The following BCR variants were observed in gnomAD, a reference collection of about 807,000 sequenced individuals.
BCR encodes breakpoint cluster region protein.
BCR carries 58 observed loss-of-function variants against 138.6 expected under a neutral mutation model. That is an observed-to-expected ratio of 0.42 (90% confidence interval 0.34 to 0.52). The LOEUF (loss-of-function observed/expected upper bound fraction) is 0.52. BCR is among the 20% of genes least tolerant of loss of function. The probability of loss-of-function intolerance (pLI) is 0.06; values close to 1 mark genes in which losing one functional copy is unlikely to be tolerated. For synonymous variants in BCR, 786 were observed against 730.1 expected (o/e 1.08, Z -1.23); for missense variants, 1,599 against 1,727.2 (o/e 0.93, Z 1.32).
intron 1 of BCR, among the ~76,000 whole-genome samples, chr22:23,241,841 A>G (rs1264765629): frequency 1.3e-5 from 2 of 152,004 alleles, no homozygotes; most frequent in Non-Finnish European, 2.9e-5. Flanking sequence ...TGCAGCCTCT[A>G]GGCTCCCCTC....
chr22:23,299,099 C>A (rs1280757693), intron 16 of BCR, among the ~76,000 whole-genome samples: 1 of 152,180 alleles, frequency 6.6e-6, no homozygotes, highest in Non-Finnish European at 1.5e-5. Context: ...TGGGTTCACG[C>A]CATTCTCCTG....
In BCR at chr22:23,317,895, A is replaced by C. The variant is rs1338106342; in HGVS notation, c.*2373A>C. 6.9e-6 allele frequency: 1 copy of C among 145,748 alleles called. No homozygotes were observed. Among genetic ancestry groups the C allele is most frequent in the Non-Finnish European group, 1.5e-5 (1 of 66,152 alleles). The allele number at this position is 145,748 out of a possible 1,614,324, so 9.0% of individuals were successfully genotyped here. A position where few individuals can be genotyped will look rare whatever the true frequency, so the allele number is the denominator to read the frequency against. ...CTTCCAGACTCCCCGGCCGGAAGTG[A>C]TGCTTTTTTGCCTTGGGCCCTGGGT... is the stretch of plus-strand genomic sequence containing the variant. On this transcript the variant is annotated 3_prime_UTR_variant, in exon 23 of 23. Transcript: ENST00000305877.
At position 23,198,727 on chromosome 22, in the gene BCR, G is replaced by A. The variant is rs114772519; in HGVS notation, c.1279+16488G>A. Among the ~76,000 whole-genome samples, 1,244 of 152,250 alleles carry A rather than the reference G, an allele frequency of 8.2e-3. 22 individuals carry two copies. The highest frequency in any genetic ancestry group is 0.028 in the African/African-American group (1,179 of 41,542). On this transcript the variant is annotated intron_variant, in intron 1 of 22. Coordinates refer to ENST00000305877, the MANE Select transcript of BCR (RefSeq NM_004327.4). ...CTGGGATCTAGGACTGCTATGCACCGGGCCGAATCGTGATACCCAAGGGAG... is the reference window on the plus strand; with the variant it reads ...CTGGGATCTAGGACTGCTATGCACCAGGCCGAATCGTGATACCCAAGGGAG...
chr22:23,221,923 T>C (rs1310824856), intron 1 of BCR, among the ~76,000 whole-genome samples: 1 of 152,008 alleles, frequency 6.6e-6, no homozygotes, highest in Non-Finnish European at 1.5e-5. Context: ...AACCCTGTTT[T>C]TACTGAAAAG....
chr22:23,216,978 T>A (rs978297215), intron 1 of BCR: 2 of 433,996 alleles, frequency 4.6e-6, no homozygotes, highest in African/African-American at 4.1e-5. Flanking sequence ...TGCCCAGATC[T>A]AAGCGGGGGT....
At chr22:23,277,726 G>A (rs1231088420) in intron 8 of BCR, among the ~76,000 whole-genome samples, 1 of 152,168 alleles carries the variant, frequency 6.6e-6, no homozygotes, top group African/African-American at 2.4e-5. Flanking sequence ...TGAGCCCTCT[G>A]CAGGGTCAGC....
At chr22:23,295,473 T>C (rs911848771) in intron 16 of BCR, among the ~76,000 whole-genome samples, 3 of 152,128 alleles carry the variant, frequency 2.0e-5, no homozygotes, top group Admixed American at 6.5e-5. Flanking sequence ...TTAGATGGTG[T>C]CCTAGGCTGA....
intron 1 of BCR, among the ~76,000 whole-genome samples, chr22:23,242,113 G>A (rs1468735494): frequency 2.0e-5 from 3 of 152,124 alleles, no homozygotes; most frequent in Admixed American, 1.3e-4. Context: ...CAGGTGCATG[G>A]GAAACTTCAC....
chr22:23,305,564 C>T (rs558342530), intron 16 of BCR, among the ~76,000 whole-genome samples: 2 of 152,230 alleles, frequency 1.3e-5, no homozygotes, highest in Non-Finnish European at 2.9e-5. Context: ...GGGCAGCACA[C>T]AGCACCTGCC....
At chr22:23,206,941 T>TC (rs1568933285) in intron 1 of BCR, among the ~76,000 whole-genome samples, 167 of 30,004 alleles carry the variant, frequency 5.6e-3, no homozygotes, top group African/African-American at 0.014. Flanking sequence ...ATCCATTCAT[T>TC]CCTCCCTCCC....
intron 16 of BCR, among the ~76,000 whole-genome samples, chr22:23,297,164 G>C (rs201301956): frequency 6.7e-6 from 1 of 149,550 alleles, no homozygotes; most frequent in East Asian, 2.0e-4. Context: ...AGCCTCCCAA[G>C]TTGTTGGGAT....
chr22:23,223,846 CT>C (rs375982845), intron 1 of BCR, among the ~76,000 whole-genome samples: 1 of 152,186 alleles, frequency 6.6e-6, no homozygotes, highest in Non-Finnish European at 1.5e-5. Context: ...AATGGGAACA[CT>C]TTGCTGACCT....
At chr22:23,288,032 G>T in intron 11 of BCR, 65 bp from the exon 12 acceptor site, 1 of 1,501,186 alleles carries the variant, frequency 6.7e-7, no homozygotes, top group Non-Finnish European at 9.3e-7. Context: ...AGGTGCCCCG[G>T]GCCTACCAGG....
At chr22:23,270,321 A>G (rs974410462) in intron 5 of BCR, among the ~76,000 whole-genome samples, 1 of 152,148 alleles carries the variant, frequency 6.6e-6, no homozygotes, top group African/African-American at 2.4e-5. Flanking sequence ...GAATTACATG[A>G]AAAGGGCTTT....
At chr22:23,283,491 C>A in intron 8 of BCR, 1 of 159,028 alleles carries the variant, frequency 6.3e-6, no homozygotes, top group Non-Finnish European at 1.4e-5. Flanking sequence ...CTCCCCACCA[C>A]AGGGGCCTGT....
intron 1 of BCR, among the ~76,000 whole-genome samples, chr22:23,237,613 GA>G (rs2073041250): frequency 6.6e-6 from 1 of 152,234 alleles, no homozygotes; most frequent in African/African-American, 2.4e-5. Flanking sequence ...GGGGAGTAAG[GA>G]AAGCTCTGCT....
In BCR at chr22:23,287,249, G is replaced by A; in HGVS notation, c.2497G>A (p.Ala833Thr). The change falls in exon 11 of 23, where the codon GCC becomes ACC. Residue 833 changes from alanine to threonine, a missense_variant. Physicochemically the swap from Ala to Thr is moderately conservative, Grantham distance 58. Coordinates refer to ENST00000305877, the MANE Select transcript of BCR (RefSeq NM_004327.4). ...GCTGCTGCTTATGTCTCCCAGCATG[G>A]CCTTCAGGGTGCACAGCCGCAACGG... ...SLLLLMSPSM[A>T]FRVHSRNGKS... 1.9e-6 allele frequency: 3 copies of A among 1,556,498 alleles called. No individual in the cohort carries two copies. The highest frequency in any genetic ancestry group is 2.6e-6 in the Non-Finnish European group (3 of 1,149,506).
intron 16 of BCR, among the ~76,000 whole-genome samples, chr22:23,296,149 C>T (rs555531561): frequency 1.5e-3 from 223 of 151,732 alleles, no homozygotes; most frequent in African/African-American, 4.8e-3. Flanking sequence ...CCGAGGTGGG[C>T]GGATCACGAG....
At chr22:23,240,337 G>C (rs1036243771) in intron 1 of BCR, among the ~76,000 whole-genome samples, 4 of 149,842 alleles carry the variant, frequency 2.7e-5, no homozygotes, top group Middle Eastern at 3.5e-3. Context: ...GTGTGTGTGT[G>C]TGTGTGTCTG....
Sources: gnomAD v4.1 joint callset for allele counts (sites outside exome capture counted in the v4.1 genomes callset) on GRCh38, gnomAD v4.1.1 for gene constraint, MANE v1.5 for transcripts, NCBI Gene and HGNC (gene_info 2026-07-23, HGNC 2026-07-21) for gene names.